AKAP19: variants seen among roughly 807,000 people sequenced by gnomAD.
AKAP19 encodes the protein small A-kinase anchoring protein.
At chr2:189,922,322 G>A in the AKAP19 span, among the ~76,000 whole-genome samples, 3 of 152,184 alleles carry the variant, frequency 2.0e-5, no homozygotes, top group Admixed American at 6.5e-5. Flanking sequence ...GATTTTAGAA[G>A]AAAAACAATT....
At chr2:190,126,532 G>C in the AKAP19 span, among the ~76,000 whole-genome samples, 1 of 151,702 alleles carries the variant, frequency 6.6e-6, no homozygotes, top group Non-Finnish European at 1.5e-5. Context: ...GTCTTAAAGA[G>C]CTTTACCTCA....
At chr2:190,158,020 C>A in the AKAP19 span, among the ~76,000 whole-genome samples, 5 of 152,306 alleles carry the variant, frequency 3.3e-5, no homozygotes, top group Admixed American at 1.3e-4. Context: ...GCTTAGAAAC[C>A]GATGTTATTC....
At chr2:190,187,787 G>A in the AKAP19 span, among the ~76,000 whole-genome samples, 1,586 of 152,296 alleles carry the variant, frequency 0.01, 6 homozygotes, top group Middle Eastern at 0.02. Flanking sequence ...CCAGGAGTTC[G>A]AGGCTGCTGT....
chr2:190,128,981 T>G, the AKAP19 span, among the ~76,000 whole-genome samples: 1 of 152,238 alleles, frequency 6.6e-6, no homozygotes, highest in African/African-American at 2.4e-5. Flanking sequence ...TATTTTTTAA[T>G]GATATGACGT....
At chr2:190,157,646 C>G in the AKAP19 span, among the ~76,000 whole-genome samples, 2 of 151,752 alleles carry the variant, frequency 1.3e-5, no homozygotes, top group African/African-American at 4.8e-5. Flanking sequence ...TAAATGAGCA[C>G]AGATAATTGA....
chr2:189,903,501 A>T, the AKAP19 span, among the ~76,000 whole-genome samples: 2 of 152,038 alleles, frequency 1.3e-5, no homozygotes, highest in African/African-American at 4.8e-5. Flanking sequence ...TAGAATCAAT[A>T]ATGAACATTG....
chr2:190,051,977 A>G, the AKAP19 span, among the ~76,000 whole-genome samples: 1 of 152,090 alleles, frequency 6.6e-6, no homozygotes, highest in African/African-American at 2.4e-5. Context: ...AGCTGGGACT[A>G]CAGGCGCCCG....
chr2:189,992,042 T>C, the AKAP19 span, among the ~76,000 whole-genome samples: 1 of 118,286 alleles, frequency 8.5e-6, no homozygotes, highest in Admixed American at 1.1e-4. Flanking sequence ...TACTCACCTA[T>C]TAAATAGATT....
the AKAP19 span, among the ~76,000 whole-genome samples, chr2:190,108,788 T>TTG: frequency 6.6e-6 from 1 of 151,028 alleles, no homozygotes; most frequent in African/African-American, 2.4e-5. Context: ...TTGCGGTTTT[T>TTG]TTTTTTTTTT....
the AKAP19 span, among the ~76,000 whole-genome samples, chr2:189,953,003 A>C: frequency 6.6e-6 from 1 of 152,218 alleles, no homozygotes; most frequent in Non-Finnish European, 1.5e-5. Flanking sequence ...AGAAATTAAA[A>C]ATAGGAGGTC....
chr2:190,171,310 A>G, the AKAP19 span, among the ~76,000 whole-genome samples: 1 of 152,178 alleles, frequency 6.6e-6, no homozygotes, highest in African/African-American at 2.4e-5. Flanking sequence ...CTGAAAATGA[A>G]GCCAAAAGAG....
chr2:190,008,513 G>A, the AKAP19 span, among the ~76,000 whole-genome samples: 1 of 151,982 alleles, frequency 6.6e-6, no homozygotes, highest in African/African-American at 2.4e-5. Flanking sequence ...TTGATCAATT[G>A]TATACTAGTA....
the AKAP19 span, among the ~76,000 whole-genome samples, chr2:189,974,031 T>G: frequency 4.6e-5 from 7 of 152,136 alleles, no homozygotes; most frequent in Admixed American, 6.6e-5. Flanking sequence ...GCTTTTGAAT[T>G]TGTTTCTTCT....
At chr2:189,905,514 T>C in the AKAP19 span, among the ~76,000 whole-genome samples, 1 of 152,002 alleles carries the variant, frequency 6.6e-6, no homozygotes, top group Non-Finnish European at 1.5e-5. Context: ...TAGATTCTTA[T>C]AGTGAAAGGA....
the AKAP19 span, among the ~76,000 whole-genome samples, chr2:190,090,648 G>T: frequency 6.6e-6 from 1 of 152,192 alleles, no homozygotes; most frequent in East Asian, 1.9e-4. Context: ...CCTAGCCTGT[G>T]TAAGGTTTGT....
the AKAP19 span, among the ~76,000 whole-genome samples, chr2:190,035,947 GATTA>G: frequency 1.3e-5 from 2 of 152,166 alleles, no homozygotes; most frequent in Non-Finnish European, 1.5e-5. Context: ...GGAATTGCTA[GATTA>G]TGTGATGGGT....
the AKAP19 span, chr2:190,056,013 C>A: frequency 6.6e-6 from 1 of 152,378 alleles, no homozygotes; most frequent in East Asian, 1.9e-4. Context: ...TGACAGTAAA[C>A]CATTGAAATT....
chr2:189,916,201 C>CA, the AKAP19 span, among the ~76,000 whole-genome samples: 1 of 151,974 alleles, frequency 6.6e-6, no homozygotes, highest in African/African-American at 2.4e-5. Flanking sequence ...TAACATATTG[C>CA]AAAACTATAG....
At chr2:190,147,478 C>T in the AKAP19 span, among the ~76,000 whole-genome samples, 6,367 of 152,110 alleles carry the variant, frequency 0.042, 431 homozygotes, top group African/African-American at 0.14. Flanking sequence ...TTTGGCTATG[C>T]GGGCTCTTTT....
Sources: allele counts gnomAD v4.1 joint callset (sites outside exome capture counted in the v4.1 genomes callset), GRCh38; gene constraint gnomAD v4.1.1; transcripts MANE v1.5; gene names NCBI Gene and HGNC (gene_info 2026-07-23, HGNC 2026-07-21).